ABCB4: variants seen among roughly 807,000 people sequenced by gnomAD.
The protein encoded by ABCB4 is phosphatidylcholine translocator ABCB4.
In ABCB4, 76 loss-of-function variants were observed where a neutral mutation model predicts 145.7. The ratio of observed to expected loss-of-function variants is 0.52; its 90% CI spans 0.43 to 0.63. The LOEUF (loss-of-function observed/expected upper bound fraction) is 0.63, where lower values mean the gene tolerates loss of function less well. ABCB4 is among the 30% of genes least tolerant of loss of function. The pLI, the probability that ABCB4 is intolerant of heterozygous loss-of-function variation, is 0.00. For synonymous variants in ABCB4, 517 were observed against 566.8 expected (o/e 0.91, Z 1.25); for missense variants, 1,234 against 1,553.1 (o/e 0.79, Z 3.45).
chr7:87,411,509 C>T (rs149108707), intron 23 of ABCB4, among the ~76,000 whole-genome samples: 144 of 152,216 alleles, frequency 9.5e-4, no homozygotes, highest in African/African-American at 3.3e-3. Context: ...TCTTGTTTTC[C>T]AGGCCATGTT....
Position 87,417,433 on chromosome 7 carries a change from C to G in ABCB4, c.2561G>C (p.Trp854Ser). The part of the protein sequence containing the change: ...TGIIISFIYG[W>S]QLTLLLLAVV... ...TGCTAATAGCAATAGGGTTAACTGC[C>G]AACCGTAGATAAATGATATGATAAT... The change falls in exon 21 of 28, where the codon TGG (tryptophan) becomes TCG (serine). Residue 854 changes from tryptophan to serine, a missense_variant. By Grantham distance (177) the Trp-to-Ser change is radical. Around this residue, in one of 7 missense-constraint regions of ABCB4, gnomAD observed 321 missense variants for 332.6 expected, o/e 0.97. Transcript: ENST00000649586. 6.2e-7 allele frequency: 1 copy of G among 1,614,122 alleles called. No individual in the cohort carries two copies. Among genetic ancestry groups the G allele is most frequent in the Non-Finnish European group, 8.5e-7 (1 of 1,179,996 alleles).
intron 16 of ABCB4, among the ~76,000 whole-genome samples, 181 bp downstream of exon 16, chr7:87,426,569 T>G (rs1257790499): frequency 6.6e-6 from 1 of 152,184 alleles, no homozygotes; most frequent in Admixed American, 6.5e-5. Context: ...CCATTTATAA[T>G]TGGAACTGAT....
the ABCB4 span, among the ~76,000 whole-genome samples, chr7:87,377,953 C>T: frequency 2.0e-5 from 3 of 152,078 alleles, no homozygotes; most frequent in Non-Finnish European, 4.4e-5. Flanking sequence ...ACTTTTCTTG[C>T]TTCTCCTCTG....
At chr7:87,475,507 C>G in intron 1 of ABCB4, 36 bp from the exon 2 acceptor site, 1 of 1,609,434 alleles carries the variant, frequency 6.2e-7, no homozygotes, top group Non-Finnish European at 8.5e-7. Context: ...CCAAGTACAC[C>G]CTCTCCGGCG....
At chr7:87,452,395 T>G in intron 6 of ABCB4, 1 of 159,408 alleles carries the variant, frequency 6.3e-6, no homozygotes, top group Non-Finnish European at 1.3e-5. Context: ...TTTTTTTTTT[T>G]TTTGACTTAT....
chr7:87,439,921 A>G, intron 13 of ABCB4, 84 bp from the exon 14 acceptor site: 2 of 1,544,080 alleles, frequency 1.3e-6, no homozygotes, highest in South Asian at 1.1e-5. Flanking sequence ...TAAAGACAAC[A>G]TGGAGCTTTG....
In ABCB4 at chr7:87,443,300, C is replaced by T; in HGVS notation, c.1356+19G>A. Reference sequence around the variant, plus strand: ...GTATCCAGCTTCCCACTCTGGAAAGCTTGGTTCTTCCCACTTACTGTGCCC... The same window carrying T: ...GTATCCAGCTTCCCACTCTGGAAAGTTTGGTTCTTCCCACTTACTGTGCCC... On this transcript the variant is annotated intron_variant, in intron 12 of 27. Coordinates refer to ENST00000649586, the MANE Select transcript of ABCB4 (RefSeq NM_000443.4). 1 of 1,613,858 alleles carries T rather than the reference C, an allele frequency of 6.2e-7. No individual in the cohort carries two copies. The highest frequency in any genetic ancestry group is 8.5e-7 in the Non-Finnish European group (1 of 1,179,924).
chr7:87,431,154 T>C (rs1260073012), intron 15 of ABCB4, among the ~76,000 whole-genome samples: 2 of 152,192 alleles, frequency 1.3e-5, no homozygotes, highest in Non-Finnish European at 2.9e-5. Context: ...ACCTTTTAGT[T>C]TGACCACATT....
chr7:87,473,618 C>CT (rs1363649720), intron 2 of ABCB4, among the ~76,000 whole-genome samples: 1 of 152,100 alleles, frequency 6.6e-6, no homozygotes, highest in East Asian at 1.9e-4. Context: ...TGGATTAATG[C>CT]TTTTTTCCAT....
intron 19 of ABCB4, among the ~76,000 whole-genome samples, chr7:87,419,428 A>G (rs1306083755): frequency 6.6e-6 from 1 of 152,228 alleles, no homozygotes; most frequent in African/African-American, 2.4e-5. Flanking sequence ...ACTTACGAGG[A>G]GAGCAAATAA....
chr7:87,374,831 C>T, the ABCB4 span, among the ~76,000 whole-genome samples: 2 of 151,962 alleles, frequency 1.3e-5, no homozygotes, highest in Admixed American at 6.6e-5. Flanking sequence ...CTACTAGTAG[C>T]ATTTTTTGAC....
intron 6 of ABCB4, chr7:87,452,377 CCTTTTTT>C (rs1231601541): frequency 6.8e-6 from 1 of 147,978 alleles, no homozygotes; most frequent in Admixed American, 6.4e-5. Context: ...CTTGCTTTTC[CCTTTTTT>C]TTTTTTTTTT....
intron 16 of ABCB4, 133 bp downstream of exon 16, chr7:87,426,617 T>G: frequency 2.3e-6 from 2 of 861,774 alleles, no homozygotes; most frequent in Non-Finnish European, 3.6e-6. Context: ...ATTTGAAAAT[T>G]TTTTTCTTTA....
intron 4 of ABCB4, among the ~76,000 whole-genome samples, chr7:87,455,952 A>G (rs1250282194): frequency 1.3e-5 from 2 of 152,254 alleles, no homozygotes; most frequent in Non-Finnish European, 2.9e-5. Context: ...CCCCAGGATT[A>G]TAATTTCTAC....
chr7:87,392,914 G>A, the ABCB4 span: 1 of 1,612,596 alleles, frequency 6.2e-7, no homozygotes, highest in African/African-American at 1.3e-5. Flanking sequence ...GCATCTGTAG[G>A]CCTAGTAAAA....
intron 18 of ABCB4, among the ~76,000 whole-genome samples, chr7:87,421,334 T>G (rs1188892807): frequency 6.6e-6 from 1 of 152,180 alleles, no homozygotes; most frequent in Non-Finnish European, 1.5e-5. Flanking sequence ...CCCCTCCATT[T>G]GCTGGCGGAT....
At chr7:87,381,900 C>T in the ABCB4 span, 1 of 1,583,030 alleles carries the variant, frequency 6.3e-7, no homozygotes, top group Non-Finnish European at 8.6e-7. Flanking sequence ...CTTGTGTGTT[C>T]TCATTTTAGC....
At chr7:87,367,677 T>C in the ABCB4 span, among the ~76,000 whole-genome samples, 1 of 152,202 alleles carries the variant, frequency 6.6e-6, no homozygotes, top group African/African-American at 2.4e-5. Flanking sequence ...TGAGTCCCGC[T>C]TCCTCTTGCT....
At position 87,462,818 on chromosome 7, in the gene ABCB4, T is replaced by C. The variant is rs201966714; in HGVS notation, c.226A>G (p.Ile76Val). Residue 76 changes from isoleucine (I) to valine (V), a missense_variant, in exon 4 of 28, where the codon ATA becomes GTA. By Grantham distance (29) the Ile-to-Val change is conservative (BLOSUM62 3). Around this residue, in one of 7 missense-constraint regions of ABCB4, gnomAD observed 467 missense variants for 632.8 expected, o/e 0.74. Coordinates refer to ENST00000649586, the MANE Select transcript of ABCB4 (RefSeq NM_000443.4). The stretch of plus-strand genomic sequence containing the variant: ...TTGTCAGTCATCTCTCCAAATACTA[T>C]CATCATGAGGGGGAGACCTGATCCG... ...AHGSGLPLMM[I>V]VFGEMTDKFV... 1 of 1,613,830 alleles carries C rather than the reference T, an allele frequency of 6.2e-7. No homozygotes were observed. Among genetic ancestry groups the C allele is most frequent in the East Asian group, 2.2e-5 (1 of 44,854 alleles).
Sources: allele counts gnomAD v4.1 joint callset (sites outside exome capture counted in the v4.1 genomes callset), GRCh38; gene constraint gnomAD v4.1.1; regional missense constraint gnomAD v4.1.1; transcripts MANE v1.5; gene names NCBI Gene and HGNC (gene_info 2026-07-23, HGNC 2026-07-21).